Variants in TCTN2 observed in about 807,000 individuals in gnomAD.
TCTN2 encodes the protein tectonic-2.
Under a neutral mutation model 83.4 loss-of-function variants are expected in TCTN2, and 66 were observed. That is an observed-to-expected ratio of 0.79 (90% CI 0.65 to 0.97). The LOEUF is 0.97. TCTN2 is among the 50% of genes least tolerant of loss of function. The probability of loss-of-function intolerance (pLI) is 0.00; values close to 1 mark genes in which losing one functional copy is unlikely to be tolerated. For missense variants in TCTN2, 794 were observed against 858.1 expected, an observed-to-expected ratio of 0.93 and a Z score of 0.93; for synonymous variants, 301 against 326.7, an observed-to-expected ratio of 0.92 and a Z score of 0.85.
intron 7 of TCTN2, among the ~76,000 whole-genome samples, 166 bp downstream of exon 7, chr12:123,688,343 G>T (rs1389083075): frequency 6.6e-6 from 1 of 151,226 alleles, no homozygotes; most frequent in Admixed American, 6.6e-5. Context: ...AGCCTCCCCA[G>T]TAGCTGGGAC....
At chr12:123,680,368 A>C (rs76020963) in intron 5 of TCTN2, among the ~76,000 whole-genome samples, 1 of 150,694 alleles carries the variant, frequency 6.6e-6, no homozygotes, top group East Asian at 2.0e-4. Context: ...AAAAAAAAAA[A>C]TCACACAACT....
chr12:123,684,423 CAG>C (rs945231592), intron 5 of TCTN2, among the ~76,000 whole-genome samples: 28 of 137,400 alleles, frequency 2.0e-4, no homozygotes, highest in Non-Finnish European at 2.8e-4. Context: ...TTTTTTAAGA[CAG>C]AGTCTTGATC....
chr12:123,685,339 C>T (rs114419560), intron 5 of TCTN2, among the ~76,000 whole-genome samples: 104 of 152,296 alleles, frequency 6.8e-4, no homozygotes, highest in African/African-American at 2.2e-3. Context: ...TGTCAATAAA[C>T]AAAGATTCAG....
At chr12:123,696,948 A>T in intron 12 of TCTN2, 139 bp from the exon 13 acceptor site, 1 of 708,082 alleles carries the variant, frequency 1.4e-6, no homozygotes, top group Non-Finnish European at 2.5e-6. Context: ...TGAAAGGATT[A>T]GACTAACAGT....
intron 4 of TCTN2, among the ~76,000 whole-genome samples, chr12:123,678,163 C>G (rs566793957): frequency 4.6e-5 from 7 of 152,218 alleles, no homozygotes; most frequent in Non-Finnish European, 8.8e-5. Flanking sequence ...CCCAGCCCCC[C>G]ATACTCTCGT....
chr12:123,707,659 A>C lies in TCTN2; in HGVS notation c.2040A>C (p.Thr680=). Residue 680 remains threonine (T), a synonymous_variant, in exon 18 of 18, where the codon ACA becomes ACC. Transcript: ENST00000303372. ...AKGLLLLLFL[T]LALFLSNPWT... ...GCTTACTGTTGCTGTTGTTCCTCAC[A>C]TTGGCCTTGTTCCTCAGCAACCCCT... is the stretch of plus-strand genomic sequence containing the variant. 3 of 1,614,148 alleles carry C rather than the reference A, an allele frequency of 1.9e-6. No homozygotes were observed. Among genetic ancestry groups the C allele is most frequent in the Non-Finnish European group, 2.5e-6 (3 of 1,180,018 alleles).
chr12:123,683,232 A>G (rs1955921359), intron 5 of TCTN2, among the ~76,000 whole-genome samples: 1 of 151,924 alleles, frequency 6.6e-6, no homozygotes, highest in African/African-American at 2.4e-5. Context: ...CAAAAAAATA[A>G]TAATAATAAT....
At chr12:123,707,166 A>G (rs148572007) in intron 17 of TCTN2, 93 bp downstream of exon 17, 7 of 1,063,672 alleles carry the variant, frequency 6.6e-6, no homozygotes, top group African/African-American at 3.2e-5. Context: ...AGCATAAAAC[A>G]TATAGAAACT....
rs137887117 is a variant in TCTN2, at chr12:123,693,077, A to C, written c.1099+354A>C. Among the ~76,000 whole-genome samples, 29 of 117,500 alleles carry C rather than the reference A, an allele frequency of 2.5e-4. No individual in the cohort carries two copies. The East Asian group carries it at 7.2e-3, about 29-fold the overall frequency. 77.1% of individuals were successfully genotyped at this position (117,500 alleles called of 152,430 possible). A position where few individuals can be genotyped will look rare whatever the true frequency, so the allele number is the denominator to read the frequency against. On this transcript the variant is annotated intron_variant, in intron 9 of 17. Coordinates refer to ENST00000303372, the MANE Select transcript of TCTN2 (RefSeq NM_024809.5). ...GTTTTGTTCTTGTCACCCAGGCTGG[A>C]GTGCAATGGCATGATCTCGGCTCAC...
chr12:123,706,987 T>C lies in TCTN2; in HGVS notation c.1898T>C (p.Phe633Ser), dbSNP rs776345829. Residue 633 changes from phenylalanine to serine, a missense_variant and splice_region_variant, in exon 17 of 18, where the codon TTC becomes TCC. Coordinates refer to ENST00000303372, the MANE Select transcript of TCTN2 (RefSeq NM_024809.5). ...TAACCCTCTAAAATGTTTTCTAGAT[T>C]CCAGATCAATTATACAGAGTATGAC... ...PAQLPHPLTR[F>S]QINYTEYDCN... 3.7e-6 allele frequency: 6 copies of C among 1,614,130 alleles called. No homozygotes were observed. In the East Asian group the frequency reaches 1.3e-4, roughly 36 times the overall value.
chr12:123,685,683 TGCTGGGATTACAGGTGTGA>T (rs1293319657), intron 5 of TCTN2, among the ~76,000 whole-genome samples: 2 of 150,358 alleles, frequency 1.3e-5, no homozygotes, highest in African/African-American at 2.5e-5. Context: ...CCTCCCAAAG[TGCTGGGATTACAGGTGTGA>T]GCCACTGCGC....
At chr12:123,707,532 C>A in intron 17 of TCTN2, 72 bp from the exon 18 acceptor site, 2 of 1,434,754 alleles carry the variant, frequency 1.4e-6, no homozygotes, top group Non-Finnish European at 2.0e-6. Flanking sequence ...GCCACCACAC[C>A]CAGCCTATAC....
intron 7 of TCTN2, 40 bp downstream of exon 7, chr12:123,688,217 T>C: frequency 1.4e-6 from 2 of 1,434,044 alleles, no homozygotes; most frequent in South Asian, 1.3e-5. Flanking sequence ...CGTTCTCTTT[T>C]TTTTTTTTTT....
intron 6 of TCTN2, 74 bp from the exon 7 acceptor site, chr12:123,687,977 A>G (rs1955994408): frequency 6.9e-6 from 11 of 1,588,870 alleles, no homozygotes; most frequent in Admixed American, 3.4e-5. Context: ...AAACAAGAGT[A>G]AAGAACAACA....
At chr12:123,671,710 T>G in intron 2 of TCTN2, 96 bp downstream of exon 2, 1 of 1,047,094 alleles carries the variant, frequency 9.6e-7, no homozygotes, top group South Asian at 1.3e-5. Flanking sequence ...GCCCCCTGCC[T>G]CTGTTCTCTG....
At chr12:123,682,943 G>A (rs936149008) in intron 5 of TCTN2, among the ~76,000 whole-genome samples, 2 of 151,636 alleles carry the variant, frequency 1.3e-5, no homozygotes, top group African/African-American at 4.8e-5. Context: ...AAATTTTTTG[G>A]CCGGGCTCAG....
At chr12:123,683,188 A>T (rs1431664650) in intron 5 of TCTN2, among the ~76,000 whole-genome samples, 7 of 151,586 alleles carry the variant, frequency 4.6e-5, no homozygotes, top group Admixed American at 4.6e-4. Context: ...GTACCACTGC[A>T]CTCCAGCCTG....
At position 123,686,997 on chromosome 12, in the gene TCTN2, C is replaced by A. The variant is rs560276907; in HGVS notation, c.726C>A (p.Ala242=). 3 of 1,614,122 alleles carry A rather than the reference C, an allele frequency of 1.9e-6. No homozygotes were observed. In the South Asian group the frequency reaches 3.3e-5, roughly 18 times the overall value. ...TTCTGTGTGTGCAGTCCCCCCTTGC[C>A]AACACACCCTTCCTTGGTTACTTCT... ...FPFLCVQSPL[A]NTPFLGYFYH... Residue 242 remains alanine, a synonymous_variant, in exon 6 of 18, where the codon GCC becomes GCA. Transcript: ENST00000303372.
rs1026850270 is a variant in TCTN2, at chr12:123,686,893, G to C, written c.622G>C (p.Gly208Arg). The change falls in exon 6 of 18, where the codon GGA becomes CGA. Residue 208 changes from glycine (G) to arginine (R), a missense_variant. Physicochemically the swap from Gly to Arg is moderately radical, Grantham distance 125. Transcript: ENST00000303372. ...ACGGTCCTGCTTCACCGGCGTGTTT[G>C]GAGGAGACGTCAATCCTCCTTTTGA... ...FRRSCFTGVFGGDVNPPFDQL... is the reference protein window; with the variant it reads ...FRRSCFTGVFRGDVNPPFDQL... 18 of 1,614,068 alleles carry C rather than the reference G, an allele frequency of 1.1e-5. No homozygotes were observed. Among genetic ancestry groups the C allele is most frequent in the Non-Finnish European group, 1.4e-5 (17 of 1,180,036 alleles).
Sources: allele counts gnomAD v4.1 joint callset (sites outside exome capture counted in the v4.1 genomes callset), GRCh38; gene constraint gnomAD v4.1.1; transcripts MANE v1.5; gene names NCBI Gene and HGNC (gene_info 2026-07-23, HGNC 2026-07-21).